GABPB1: variants seen among roughly 807,000 people sequenced by gnomAD.
The protein encoded by GABPB1 is GA-binding protein subunit beta-1.
GABPB1 carries 15 observed loss-of-function variants against 45.9 expected under a neutral mutation model. The observed-to-expected ratio is 0.33, with a 90% CI of 0.22 to 0.50. The LOEUF (loss-of-function observed/expected upper bound fraction) is 0.50. Among genes scored for constraint, GABPB1 ranks in the 20% least tolerant of loss-of-function variants. The pLI, the probability that GABPB1 is intolerant of heterozygous loss-of-function variation, is 0.98. For missense variants in GABPB1, 252 were observed against 457.5 expected, an observed-to-expected ratio of 0.55 and a Z score of 4.10; for synonymous variants, 143 against 154.4, an observed-to-expected ratio of 0.93 and a Z score of 0.55.
At chr15:50,345,731 A>C (rs74528947) in intron 1 of GABPB1, among the ~76,000 whole-genome samples, 1 of 149,690 alleles carries the variant, frequency 6.7e-6, no homozygotes, top group Non-Finnish European at 1.5e-5. Context: ...TTTTTTTTTT[A>C]GATGGAGTCT....
chr15:50,283,810 C>T (rs1567474345), intron 8 of GABPB1, among the ~76,000 whole-genome samples: 1 of 152,308 alleles, frequency 6.6e-6, no homozygotes, highest in Non-Finnish European at 1.5e-5. Context: ...CCGCACCCAG[C>T]CAACTCTTAG....
chr15:50,351,967 G>C (rs1468327216), intron 1 of GABPB1: 1 of 152,168 alleles, frequency 6.6e-6, no homozygotes, highest in Admixed American at 6.5e-5. Context: ...GGAGGAGAGG[G>C]GAGCAGAGGG....
chr15:50,306,273 T>C (rs1401003238), intron 2 of GABPB1, among the ~76,000 whole-genome samples: 3 of 152,062 alleles, frequency 2.0e-5, no homozygotes, highest in African/African-American at 7.2e-5. Context: ...TCAGCCAATA[T>C]ATGTAGTTTA....
chr15:50,297,467 G>T (rs189774318), intron 6 of GABPB1, among the ~76,000 whole-genome samples: 1 of 152,146 alleles, frequency 6.6e-6, no homozygotes, highest in Non-Finnish European at 1.5e-5. Context: ...GCCCACCTCA[G>T]CCTCCCAAAG....
chr15:50,319,407 G>C (rs1289973813), intron 1 of GABPB1, among the ~76,000 whole-genome samples: 1 of 152,116 alleles, frequency 6.6e-6, no homozygotes, highest in Non-Finnish European at 1.5e-5. Flanking sequence ...ACCCAACAGG[G>C]AATTTTTCAA....
At chr15:50,289,723 C>T (rs1393001577) in intron 6 of GABPB1, 55 bp from the exon 7 acceptor site, 2 of 1,381,746 alleles carry the variant, frequency 1.4e-6, no homozygotes, top group African/African-American at 3.0e-5. Context: ...TGAATAGAAA[C>T]CTATTTTTGC....
At chr15:50,342,373 T>C (rs1014496963) in intron 1 of GABPB1, among the ~76,000 whole-genome samples, 2 of 152,200 alleles carry the variant, frequency 1.3e-5, no homozygotes, top group African/African-American at 2.4e-5. Flanking sequence ...GTTTATCTTA[T>C]TCTTATGTGT....
rs376126399 is a variant in GABPB1, at chr15:50,281,356, C to T, written c.1000-2572G>A. ...CCTCCTGAGTAGCTGGGACTATAGG[C>T]GCACGCCACCATGCTCAGCTAATTT... is the stretch of plus-strand genomic sequence containing the variant. On this transcript the variant is annotated intron_variant, in intron 8 of 8. Coordinates refer to ENST00000380877, the MANE Select transcript of GABPB1 (RefSeq NM_016654.5). Among the ~76,000 whole-genome samples, 14 of 151,314 alleles carry T rather than the reference C, an allele frequency of 9.3e-5. No individual in the cohort carries two copies. In the South Asian group the frequency reaches 1.0e-3, roughly 11 times the overall value.
intron 1 of GABPB1, among the ~76,000 whole-genome samples, chr15:50,328,760 T>A (rs147528680): frequency 7.2e-4 from 110 of 152,358 alleles, no homozygotes; most frequent in African/African-American, 2.4e-3. Flanking sequence ...CCATTAATGA[T>A]CCTGGCCCAA....
chr15:50,347,395 T>G (rs146101666), intron 1 of GABPB1: 1 of 151,994 alleles, frequency 6.6e-6, no homozygotes, highest in African/African-American at 2.4e-5. Flanking sequence ...ATACAAATTT[T>G]TTTTATTTTT....
chr15:50,307,299 T>C (rs1248448886), intron 2 of GABPB1, among the ~76,000 whole-genome samples: 1 of 152,256 alleles, frequency 6.6e-6, no homozygotes, highest in African/African-American at 2.4e-5. Context: ...TTTGCCCCAA[T>C]TTTAATGTAG....
chr15:50,316,887 A>G (rs1010251386), intron 1 of GABPB1, among the ~76,000 whole-genome samples: 2 of 152,152 alleles, frequency 1.3e-5, no homozygotes, highest in Non-Finnish European at 2.9e-5. Context: ...AATATTATCA[A>G]TTAATGGCTG....
intron 3 of GABPB1, 117 bp from the exon 4 acceptor site, chr15:50,303,240 A>G: frequency 1.3e-6 from 1 of 777,038 alleles, no homozygotes; most frequent in Non-Finnish European, 2.0e-6. Flanking sequence ...TCAATTATTT[A>G]TATGTATATG....
rs1056694743 is a variant in GABPB1, at chr15:50,318,307, T to A, written c.1-8509A>T. 2.6e-5 allele frequency among the ~76,000 whole-genome samples: 4 copies of A among 152,196 alleles called. No individual in the cohort carries two copies. In the East Asian group the frequency reaches 7.7e-4, roughly 29 times the overall value. On this transcript the variant is annotated intron_variant, in intron 1 of 8. Transcript: ENST00000380877. ...ATATAAAGGGCATGTCCTCCAAGGA[T>A]TTAAGTTTAGTGTCTCCCAGTGTAA... is the stretch of plus-strand genomic sequence containing the variant.
At chr15:50,301,051 A>G in intron 5 of GABPB1, 149 bp from the exon 6 acceptor site, 1 of 830,096 alleles carries the variant, frequency 1.2e-6, no homozygotes, top group Non-Finnish European at 1.9e-6. Flanking sequence ...TTGTAATATC[A>G]CCTTTCTTCA....
intron 1 of GABPB1, among the ~76,000 whole-genome samples, chr15:50,316,573 T>A (rs764473562): frequency 6.6e-6 from 1 of 151,066 alleles, no homozygotes; most frequent in Non-Finnish European, 1.5e-5. Context: ...AAAGATTTTC[T>A]CCACTCCAAT....
intron 6 of GABPB1, among the ~76,000 whole-genome samples, chr15:50,299,382 T>A (rs2046643404): frequency 6.6e-6 from 1 of 152,244 alleles, no homozygotes; most frequent in Non-Finnish European, 1.5e-5. Flanking sequence ...CTGTTTGTCA[T>A]CATTTAACAA....
At chr15:50,313,371 G>C (rs1258930892) in intron 1 of GABPB1, among the ~76,000 whole-genome samples, 1 of 152,100 alleles carries the variant, frequency 6.6e-6, no homozygotes, top group African/African-American at 2.4e-5. Flanking sequence ...TTGATATATT[G>C]ACAACTCAGA....
intron 1 of GABPB1, among the ~76,000 whole-genome samples, chr15:50,339,310 T>C (rs900456541): frequency 6.6e-6 from 1 of 151,794 alleles, no homozygotes; most frequent in Non-Finnish European, 1.5e-5. Flanking sequence ...AAAGTGAGAC[T>C]CCATCTCAAA....
Sources: allele counts gnomAD v4.1 joint callset (sites outside exome capture counted in the v4.1 genomes callset), GRCh38; gene constraint gnomAD v4.1.1; transcripts MANE v1.5; gene names NCBI Gene and HGNC (gene_info 2026-07-23, HGNC 2026-07-21).